CACNG7: variants seen among roughly 807,000 people sequenced by gnomAD.
The protein encoded by CACNG7 is calcium voltage-gated channel auxiliary subunit gamma 7.
In CACNG7, 9 loss-of-function variants were observed where a neutral mutation model predicts 26.3. The ratio of observed to expected loss-of-function variants is 0.34; its 90% CI spans 0.21 to 0.60. The LOEUF (loss-of-function observed/expected upper bound fraction) is 0.60, where lower values mean the gene tolerates loss of function less well. Among genes scored for constraint, CACNG7 ranks in the 20% least tolerant of loss-of-function variants. The probability of loss-of-function intolerance (pLI) is 0.81; values close to 1 mark genes in which losing one functional copy is unlikely to be tolerated. For synonymous variants in CACNG7, 170 were observed against 157.0 expected (o/e 1.08, Z -0.62); for missense variants, 297 against 380.4 (o/e 0.78, Z 1.82).
chr19:53,929,721 G>A (rs1417342816), intron 4 of CACNG7, among the ~76,000 whole-genome samples: 1 of 152,082 alleles, frequency 6.6e-6, no homozygotes, highest in Non-Finnish European at 1.5e-5. Flanking sequence ...GGGATTCCAG[G>A]CCTGAACCAC....
rs141338374 is a variant in CACNG7 at position 53,911,742 on chromosome 19, C to T, written c.-29-1061C>T. On this transcript the variant is annotated intron_variant, in intron 1 of 5. Transcript: ENST00000391767. ...GAGGACCAGGCAGCTCGCGGTCAAA[C>T]CCCTGAGCCGCCAGGCGGAGGATGG... Among the ~76,000 whole-genome samples, 7 of 152,296 alleles carry T rather than the reference C, an allele frequency of 4.6e-5. No homozygotes were observed. In the East Asian group the frequency reaches 1.4e-3, roughly 29 times the overall value.
chr19:53,916,015 T>G (rs572229997), intron 4 of CACNG7, among the ~76,000 whole-genome samples: 12 of 152,344 alleles, frequency 7.9e-5, no homozygotes, highest in African/African-American at 2.9e-4. Flanking sequence ...AAGAACTGTA[T>G]AGGGAACACC....
chr19:53,924,651 A>C (rs915428281), intron 4 of CACNG7, among the ~76,000 whole-genome samples: 1 of 71,216 alleles, frequency 1.4e-5, no homozygotes, highest in Non-Finnish European at 2.6e-5. Context: ...TCATTGGTGG[A>C]GTTGTCCGAG....
At chr19:53,924,227 GC>G (rs2068999744) in intron 4 of CACNG7, among the ~76,000 whole-genome samples, 2 of 140,898 alleles carry the variant, frequency 1.4e-5, no homozygotes, top group Non-Finnish European at 3.1e-5. Context: ...TGGTGCAGTT[GC>G]CCCAGGTCTG....
chr19:53,929,618 G>A (rs1198368432), intron 4 of CACNG7, among the ~76,000 whole-genome samples: 1 of 151,876 alleles, frequency 6.6e-6, no homozygotes, highest in Non-Finnish European at 1.5e-5. Flanking sequence ...CACCATGCCT[G>A]GCTAATTTTT....
intron 2 of CACNG7, among the ~76,000 whole-genome samples, chr19:53,913,755 A>G (rs2068875164): frequency 1.4e-5 from 2 of 146,058 alleles, no homozygotes; most frequent in Admixed American, 7.0e-5. Flanking sequence ...CTGTACTCCA[A>G]CCTGGGTGAC....
chr19:53,937,317 C>T (rs748861736), intron 4 of CACNG7, among the ~76,000 whole-genome samples: 4 of 152,114 alleles, frequency 2.6e-5, no homozygotes, highest in Non-Finnish European at 5.9e-5. Context: ...AGGACAGATC[C>T]GTGTGTGATT....
In CACNG7 at chr19:53,934,540, C is replaced by T. The variant is rs576412127; in HGVS notation, c.425-6930C>T. ...CTGTAATCCTAGCAGTTTGGGATTC[C>T]GAGGCGAGAGGATTGCTTGAGCCTA... On this transcript the variant is annotated intron_variant, in intron 4 of 5. Coordinates refer to ENST00000391767, the MANE Select transcript of CACNG7 (RefSeq NM_031896.5). 6.6e-5 allele frequency among the ~76,000 whole-genome samples: 10 copies of T among 151,890 alleles called. No individual in the cohort carries two copies. In the South Asian group the frequency reaches 1.7e-3, roughly 25 times the overall value.
intron 4 of CACNG7, among the ~76,000 whole-genome samples, chr19:53,941,194 C>T (rs2069135299): frequency 6.6e-6 from 1 of 152,210 alleles, no homozygotes; most frequent in Admixed American, 6.5e-5. Flanking sequence ...CCTTGTAGCA[C>T]CTATCACCTT....
chr19:53,936,900 T>C lies in CACNG7; in HGVS notation c.425-4570T>C, dbSNP rs540226827. On this transcript the variant is annotated intron_variant, in intron 4 of 5. Coordinates refer to ENST00000391767, the MANE Select transcript of CACNG7 (RefSeq NM_031896.5). ...CAGAGATTATAGGCATGAGCCACCGTGCCCAGCCTAACTTAATTGAGTTTT... is the reference window on the plus strand; with the variant it reads ...CAGAGATTATAGGCATGAGCCACCGCGCCCAGCCTAACTTAATTGAGTTTT... 5.9e-5 allele frequency among the ~76,000 whole-genome samples: 9 copies of C among 152,172 alleles called. No individual in the cohort carries two copies. In the South Asian group the frequency reaches 1.7e-3, roughly 28 times the overall value.
chr19:53,919,824 G>A (rs2068926093), intron 4 of CACNG7, among the ~76,000 whole-genome samples: 1 of 141,412 alleles, frequency 7.1e-6, no homozygotes, highest in Non-Finnish European at 1.5e-5. Flanking sequence ...AGTTGCCCCA[G>A]GTCTGGTCAT....
chr19:53,926,617 A>G (rs1251091407), intron 4 of CACNG7, among the ~76,000 whole-genome samples: 1 of 152,112 alleles, frequency 6.6e-6, no homozygotes, highest in East Asian at 1.9e-4. Context: ...GTAATCTTCA[A>G]AAGGGCTGGG....
At position 53,940,172 on chromosome 19, in the gene CACNG7, A is replaced by T. The variant is rs947348437; in HGVS notation, c.425-1298A>T. On this transcript the variant is annotated intron_variant, in intron 4 of 5. Transcript: ENST00000391767. The surrounding 1 kb of genome is among the most constrained non-coding windows in gnomAD (Gnocchi z 4.1). The stretch of plus-strand genomic sequence containing the variant: ...ATGGTTACTGTTTAGAGGAAATTTC[A>T]TCTGGAGAAAATGATAATCGCCTCT... Among the ~76,000 whole-genome samples, 1 of 152,198 alleles carries T rather than the reference A, an allele frequency of 6.6e-6. No homozygotes were observed. The highest frequency in any genetic ancestry group is 1.5e-5 in the Non-Finnish European group (1 of 68,030).
In CACNG7 at chr19:53,909,711, G is replaced by T. The variant is rs2068850791; in HGVS notation, c.-30+194G>T. Among the ~76,000 whole-genome samples the T allele has an allele frequency of 6.6e-6, 1 of 152,152 alleles. No homozygotes were observed. Among genetic ancestry groups the T allele is most frequent in the African/African-American group, 2.4e-5 (1 of 41,454 alleles). On this transcript the variant is annotated intron_variant, in intron 1 of 5. Transcript: ENST00000391767. This position sits in a 1 kb window ranked among gnomAD's most constrained non-coding sequence, Gnocchi z 5.1. ...GGCGATCCCGGAGGACGGGGTCCGA[G>T]GGTCCCGGAGTGGGAAACTGCACTC...
In CACNG7 at chr19:53,941,425, G is replaced by A. The variant is rs79997308; in HGVS notation, c.425-45G>A. The stretch of plus-strand genomic sequence containing the variant: ...TGAGGTGGGGCTGGGGCTGGGAAAA[G>A]GGGCCCACTTCTAATGGACGAGGGC... On this transcript the variant is annotated intron_variant, in intron 4 of 5. Transcript: ENST00000391767. The A allele has an allele frequency of 7.5e-5, 111 of 1,482,574 alleles. No individual in the cohort carries two copies. In the East Asian group the frequency reaches 2.2e-3, roughly 29 times the overall value. The allele number at this position is 1,482,574 out of a possible 1,614,324, so 91.8% of individuals were successfully genotyped here. A position where few individuals can be genotyped will look rare whatever the true frequency, so the allele number is the denominator to read the frequency against.
At position 53,921,781 on chromosome 19, in the gene CACNG7, C is replaced by G. The variant is rs1417122620; in HGVS notation, c.424+6276C>G. 2.5e-5 allele frequency among the ~76,000 whole-genome samples: 2 copies of G among 78,676 alleles called. 1 individual carries two copies. The highest frequency in any genetic ancestry group is 4.4e-5 in the Non-Finnish European group (2 of 45,052). The allele number at this position is 78,676 out of a possible 152,430, so 51.6% of individuals were successfully genotyped here. ...TTGGTGGAGTTGTCCCAGGTCTGGT[C>G]ATTGGTGGAGTTGTCCCCAGGTCTG... On this transcript the variant is annotated intron_variant, in intron 4 of 5. Coordinates refer to ENST00000391767, the MANE Select transcript of CACNG7 (RefSeq NM_031896.5).
intron 1 of CACNG7, among the ~76,000 whole-genome samples, chr19:53,910,729 G>A (rs1426718602): frequency 6.6e-6 from 1 of 152,122 alleles, no homozygotes. Context: ...CTGGGTTGAG[G>A]AGCTCCCTCG....
At chr19:53,919,049 C>T (rs972029648) in intron 4 of CACNG7, among the ~76,000 whole-genome samples, 8 of 152,230 alleles carry the variant, frequency 5.3e-5, no homozygotes, top group Admixed American at 5.2e-4. Context: ...GAATTGCAGG[C>T]GTGAGCCACC....
intron 4 of CACNG7, among the ~76,000 whole-genome samples, chr19:53,918,463 C>T (rs1287192359): frequency 2.0e-5 from 3 of 152,052 alleles, no homozygotes; most frequent in African/African-American, 7.3e-5. Context: ...TATTCTTCTT[C>T]TTTTGATTTT....
Sources: allele counts gnomAD v4.1 joint callset (sites outside exome capture counted in the v4.1 genomes callset), GRCh38; gene constraint gnomAD v4.1.1; non-coding constraint Gnocchi (gnomAD v3.1); transcripts MANE v1.5; gene names NCBI Gene and HGNC (gene_info 2026-07-23, HGNC 2026-07-21).